SUGCT: variants seen among roughly 807,000 people sequenced by gnomAD.
The protein encoded by SUGCT is succinyl-CoA:glutarate-CoA transferase.
SUGCT carries 41 observed loss-of-function variants against 55.0 expected under a neutral mutation model. That is an observed-to-expected ratio of 0.74 (90% CI 0.58 to 0.97). The LOEUF is 0.97. Ranked by LOEUF, SUGCT falls within the 50% of genes least tolerant of loss-of-function variation. SUGCT has a pLI of 0.00. For missense variants in SUGCT, 568 were observed against 547.8 expected (o/e 1.04, Z -0.37); for synonymous variants, 187 against 200.4 (o/e 0.93, Z 0.56).
intron 13 of SUGCT, among the ~76,000 whole-genome samples, chr7:40,783,791 C>T (rs1198702795): frequency 6.6e-6 from 1 of 152,176 alleles, no homozygotes; most frequent in East Asian, 1.9e-4. Flanking sequence ...CCTAGATTTG[C>T]TCTCACCTCT....
chr7:40,181,018 C>T lies in SUGCT; in HGVS notation c.152+20C>T. 1 of 1,577,126 alleles carries T rather than the reference C, an allele frequency of 6.3e-7. No individual in the cohort carries two copies. The highest frequency in any genetic ancestry group is 8.7e-7 in the Non-Finnish European group (1 of 1,149,958). On this transcript the variant is annotated intron_variant, in intron 2 of 13. Transcript: ENST00000335693. ...AACAAGGTTTGTATTGGTTTATCTA[C>T]ATTTTGGTGATTGGGTTTTTCCCTT...
the SUGCT span, among the ~76,000 whole-genome samples, chr7:40,987,369 G>C: frequency 6.6e-6 from 1 of 152,084 alleles, no homozygotes; most frequent in African/African-American, 2.4e-5. Flanking sequence ...TTTAAAGCAG[G>C]GTTTTTGGAA....
chr7:40,230,150 C>T (rs1211062034), intron 6 of SUGCT, among the ~76,000 whole-genome samples: 1 of 152,132 alleles, frequency 6.6e-6, no homozygotes, highest in South Asian at 2.1e-4. Context: ...TCTCTAGTAA[C>T]CTATCATTGA....
At chr7:40,687,346 T>A (rs921303219) in intron 12 of SUGCT, among the ~76,000 whole-genome samples, 3 of 152,176 alleles carry the variant, frequency 2.0e-5, no homozygotes, top group Admixed American at 6.5e-5. Context: ...TTGAGTTTTG[T>A]CTCCTTTTCT....
the SUGCT span, among the ~76,000 whole-genome samples, chr7:40,897,639 C>A: frequency 6.6e-6 from 1 of 152,060 alleles, no homozygotes; most frequent in South Asian, 2.1e-4. Flanking sequence ...CAGTGGGCCC[C>A]CAAGAGCCTT....
rs568447124 is a variant in SUGCT at position 40,415,074 on chromosome 7, A to G, written c.817-34213A>G. Among the ~76,000 whole-genome samples the G allele has an allele frequency of 4.5e-3, 612 of 136,912 alleles. 5 individuals are homozygous for G. Among genetic ancestry groups the G allele is most frequent in the Middle Eastern group, 0.022 (6 of 278 alleles). 89.8% of individuals were successfully genotyped at this position (136,912 alleles called of 152,430 possible). On this transcript the variant is annotated intron_variant, in intron 9 of 13. Coordinates refer to ENST00000335693, the MANE Select transcript of SUGCT (RefSeq NM_001193313.2). Reference sequence around the variant, plus strand: ...AAAAAAAAAAAAAATCTATCTATCTATCTATCTATCTATCTATCTATCTAT... The same window carrying G: ...AAAAAAAAAAAAAATCTATCTATCTGTCTATCTATCTATCTATCTATCTAT...
chr7:40,548,186 CTTTTTT>C (rs1186226631), intron 12 of SUGCT, among the ~76,000 whole-genome samples: 2 of 104,996 alleles, frequency 1.9e-5, no homozygotes, highest in Non-Finnish European at 3.8e-5. Flanking sequence ...TTCTTTCTTT[CTTTTTT>C]TTTTTTTTTT....
Position 40,643,811 on chromosome 7 carries a change from G to A in SUGCT, c.1090-105623G>A, listed in dbSNP as rs747800009. On this transcript the variant is annotated intron_variant, in intron 12 of 13. Transcript: ENST00000335693. ...AAGGGAGGAAGCTTTCACCCTTCCT[G>A]CCAGCCCCCTCCCAAAGGAAAGGGG... Among the ~76,000 whole-genome samples the A allele has an allele frequency of 4.5e-4, 69 of 152,134 alleles. 2 individuals carry two copies. The highest frequency in any genetic ancestry group is 8.8e-5 in the Non-Finnish European group (6 of 68,024).
the SUGCT span, among the ~76,000 whole-genome samples, chr7:40,917,626 C>A: frequency 6.6e-6 from 1 of 152,122 alleles, no homozygotes; most frequent in South Asian, 2.1e-4. Flanking sequence ...GCTATAACAA[C>A]AACAACAAAA....
chr7:40,186,052 A>G (rs1176224299), intron 3 of SUGCT, among the ~76,000 whole-genome samples: 2 of 147,526 alleles, frequency 1.4e-5, no homozygotes, highest in African/African-American at 5.3e-5. Context: ...AATTACATAA[A>G]ATTTGGTTGT....
intron 9 of SUGCT, among the ~76,000 whole-genome samples, chr7:40,413,243 G>A (rs941509527): frequency 6.6e-6 from 1 of 152,096 alleles, no homozygotes; most frequent in Non-Finnish European, 1.5e-5. Flanking sequence ...TTTACTCTCT[G>A]TACATGGGGA....
chr7:40,249,518 T>C (rs1457969489), intron 7 of SUGCT, among the ~76,000 whole-genome samples: 1 of 149,956 alleles, frequency 6.7e-6, no homozygotes, highest in African/African-American at 2.5e-5. Flanking sequence ...ATAGAAATTA[T>C]GGGTTCTTAC....
intron 7 of SUGCT, among the ~76,000 whole-genome samples, chr7:40,244,333 G>A (rs2150903590): frequency 6.6e-6 from 1 of 152,262 alleles, no homozygotes; most frequent in East Asian, 1.9e-4. Flanking sequence ...ATCACACAGT[G>A]GAAAACAAAT....
chr7:40,687,531 C>T (rs1784516800), intron 12 of SUGCT, among the ~76,000 whole-genome samples: 1 of 152,144 alleles, frequency 6.6e-6, no homozygotes, highest in Non-Finnish European at 1.5e-5. Context: ...CCCACAGCTC[C>T]CATATCCCCT....
At chr7:40,470,572 A>G (rs1466730231) in intron 11 of SUGCT, among the ~76,000 whole-genome samples, 1 of 151,910 alleles carries the variant, frequency 6.6e-6, no homozygotes, top group Non-Finnish European at 1.5e-5. Flanking sequence ...CCTTAGTTCT[A>G]GTTTGTCATG....
intron 13 of SUGCT, among the ~76,000 whole-genome samples, chr7:40,806,758 C>G (rs1791115768): frequency 6.6e-6 from 1 of 152,234 alleles, no homozygotes; most frequent in African/African-American, 2.4e-5. Context: ...AATATTGGTA[C>G]AAATGCTGGG....
intron 12 of SUGCT, among the ~76,000 whole-genome samples, chr7:40,576,642 C>T (rs1011922580): frequency 1.3e-5 from 2 of 152,126 alleles, no homozygotes; most frequent in African/African-American, 4.8e-5. Context: ...CAAGAGTTGC[C>T]GGGATTGTCT....
the SUGCT span, among the ~76,000 whole-genome samples, chr7:41,009,914 G>A: frequency 5.9e-5 from 9 of 152,252 alleles, no homozygotes; most frequent in East Asian, 7.7e-4. Context: ...ATTTCCCCAG[G>A]CATGACTGGC....
intron 9 of SUGCT, among the ~76,000 whole-genome samples, chr7:40,395,377 T>C (rs1047949567): frequency 1.3e-5 from 2 of 149,266 alleles, no homozygotes; most frequent in African/African-American, 5.0e-5. Flanking sequence ...TAATTCCAGC[T>C]ACTTGGGAGG....
Sources: allele counts gnomAD v4.1 joint callset (sites outside exome capture counted in the v4.1 genomes callset), GRCh38; gene constraint gnomAD v4.1.1; transcripts MANE v1.5; gene names NCBI Gene and HGNC (gene_info 2026-07-23, HGNC 2026-07-21).